The following POLR2B variants were observed in gnomAD, a reference collection of about 807,000 sequenced individuals.
POLR2B encodes RNA polymerase II subunit B, also known as DNA-directed RNA polymerase II subunit RPB2.
A neutral mutation model predicts 144.6 loss-of-function variants in POLR2B; 57 were observed. The observed-to-expected ratio is 0.39, with a 90% CI of 0.32 to 0.49. The LOEUF is 0.49. Ranked by LOEUF, POLR2B falls within the 20% of genes least tolerant of loss-of-function variation. The probability of loss-of-function intolerance (pLI) is 0.83; values close to 1 mark genes in which losing one functional copy is unlikely to be tolerated. For missense variants in POLR2B, 595 were observed against 1,467.4 expected (o/e 0.41, Z 9.71); for synonymous variants, 442 against 469.8 (o/e 0.94, Z 0.77).
Position 57,020,922 on chromosome 4 carries a change from G to T in POLR2B, c.2347G>T (p.Ala783Ser). Residue 783 changes from alanine to serine, a missense_variant, in exon 17 of 25, where the codon GCA (alanine) becomes TCA (serine). Coordinates refer to ENST00000314595, the MANE Select transcript of POLR2B (RefSeq NM_000938.3). The part of the protein sequence containing the change: ...PAGINSIVAI[A>S]SYTGYNQEDS... ...AGGCATCAACTCAATTGTGGCCATT[G>T]CATCATACACTGGATATAATCAGGA... 1 of 1,598,842 alleles carries T rather than the reference G, an allele frequency of 6.3e-7. No individual in the cohort carries two copies.
chr4:57,028,997 C>T (rs958611041), intron 23 of POLR2B, among the ~76,000 whole-genome samples: 1 of 152,110 alleles, frequency 6.6e-6, no homozygotes, highest in African/African-American at 2.4e-5. Context: ...GTTTGTTGAA[C>T]AACCTGGACT....
rs964364870 is a variant in POLR2B, at chr4:56,994,337, A to G, written c.244-67A>G. ...ACTTAAAATGTTAATGTCAATTAAA[A>G]TGGAATCACTAAAACTTTTATGGAA... On this transcript the variant is annotated intron_variant, in intron 3 of 24. Coordinates refer to ENST00000314595, the MANE Select transcript of POLR2B (RefSeq NM_000938.3). The G allele has an allele frequency of 2.0e-5, 16 of 792,416 alleles. No individual in the cohort carries two copies. In the African/African-American group the frequency reaches 2.4e-4, roughly 12 times the overall value. 49.1% of individuals were successfully genotyped at this position (792,416 alleles called of 1,614,324 possible).
At chr4:56,997,953 G>A (rs550367263) in intron 6 of POLR2B, among the ~76,000 whole-genome samples, 1 of 152,168 alleles carries the variant, frequency 6.6e-6, no homozygotes, top group South Asian at 2.1e-4. Context: ...GATGACAGAG[G>A]GCAAAGACAT....
chr4:57,006,309 A>T (rs973392667), intron 9 of POLR2B, among the ~76,000 whole-genome samples: 1 of 151,982 alleles, frequency 6.6e-6, no homozygotes, highest in African/African-American at 2.4e-5. Context: ...CTCTTTTAAC[A>T]TTTTTGTTTA....
At chr4:57,029,706 G>A (rs1723848443) in intron 23 of POLR2B, among the ~76,000 whole-genome samples, 1 of 152,072 alleles carries the variant, frequency 6.6e-6, no homozygotes, top group African/African-American at 2.4e-5. Context: ...TTGACAAGCT[G>A]CCTTATTTAG....
chr4:57,010,657 C>G (rs1027867704), intron 11 of POLR2B, 91 bp from the exon 12 acceptor site: 1 of 1,359,264 alleles, frequency 7.4e-7, no homozygotes. Flanking sequence ...AAGAATAAAT[C>G]TTGAAATCAC....
At chr4:57,006,100 T>C (rs1203905989) in intron 9 of POLR2B, among the ~76,000 whole-genome samples, 1 of 152,242 alleles carries the variant, frequency 6.6e-6, no homozygotes, top group African/African-American at 2.4e-5. Context: ...ATTGGTATTA[T>C]GTGCAGTTTT....
intron 1 of POLR2B, 150 bp downstream of exon 1, chr4:56,979,154 T>G (rs935379702): frequency 2.4e-6 from 2 of 829,052 alleles, no homozygotes; most frequent in Admixed American, 1.9e-5. Flanking sequence ...GGAACGAAAC[T>G]GGGGTAGGGA....
At position 56,999,632 on chromosome 4, in the gene POLR2B, G is replaced by A; in HGVS notation, c.751G>A (p.Ala251Thr). The change falls in exon 7 of 25, where the codon GCT becomes ACT. Residue 251 changes from alanine (A) to threonine (T), a missense_variant. Coordinates refer to ENST00000314595, the MANE Select transcript of POLR2B (RefSeq NM_000938.3). ...ATTTTTCTAGGGTGCCAAGAAGAGT[G>A]CTATTGGTCAGCGCATTGTGGCAAC... is the stretch of plus-strand genomic sequence containing the variant. ...ARGGQGAKKS[A>T]IGQRIVATLP... The A allele has an allele frequency of 6.2e-7, 1 of 1,608,884 alleles. No individual in the cohort carries two copies. The highest frequency in any genetic ancestry group is 1.1e-5 in the South Asian group (1 of 89,990).
chr4:57,024,725 A>G (rs1364041197), intron 21 of POLR2B, among the ~76,000 whole-genome samples, 161 bp from the exon 22 acceptor site: 1 of 152,214 alleles, frequency 6.6e-6, no homozygotes, highest in Non-Finnish European at 1.5e-5. Context: ...TTTCCATAAC[A>G]TAGATTTTGA....
intron 9 of POLR2B, 35 bp from the exon 10 acceptor site, chr4:57,006,780 TC>T: frequency 1.3e-6 from 2 of 1,514,780 alleles, no homozygotes; most frequent in Non-Finnish European, 1.8e-6. Flanking sequence ...GTTGTAGACC[TC>T]TACATGTTTA....
At chr4:56,982,756 G>A (rs946656394) in intron 1 of POLR2B, among the ~76,000 whole-genome samples, 25 of 152,120 alleles carry the variant, frequency 1.6e-4, no homozygotes, top group Middle Eastern at 6.8e-3. Flanking sequence ...TGTGCCTAGG[G>A]TATATAACAG....
intron 6 of POLR2B, among the ~76,000 whole-genome samples, chr4:56,999,112 A>G (rs1222888470): frequency 6.6e-6 from 1 of 152,158 alleles, no homozygotes; most frequent in Non-Finnish European, 1.5e-5. Flanking sequence ...TAGTTTTGAA[A>G]CACTGAGACA....
chr4:57,015,413 T>C, intron 13 of POLR2B, 89 bp from the exon 14 acceptor site: 1 of 648,762 alleles, frequency 1.5e-6, no homozygotes, highest in East Asian at 3.2e-5. Context: ...CTCCAGAAAT[T>C]TAGTAGGATT....
intron 9 of POLR2B, among the ~76,000 whole-genome samples, chr4:57,006,189 A>G (rs1298366085): frequency 6.6e-6 from 1 of 152,260 alleles, no homozygotes; most frequent in Non-Finnish European, 1.5e-5. Context: ...TGAAATATGT[A>G]GACAGTACAA....
At chr4:56,996,443 G>C (rs979425699) in intron 6 of POLR2B, among the ~76,000 whole-genome samples, 1 of 150,460 alleles carries the variant, frequency 6.6e-6, no homozygotes, top group East Asian at 2.0e-4. Flanking sequence ...ACCGCGCCCG[G>C]CTAATTTTTT....
intron 1 of POLR2B, among the ~76,000 whole-genome samples, chr4:56,984,183 A>T (rs1258780318): frequency 2.0e-5 from 3 of 152,110 alleles, no homozygotes; most frequent in African/African-American, 7.2e-5. Flanking sequence ...AATCTGATAA[A>T]TGGATGAGTA....
chr4:56,980,420 T>G (rs1722120491), intron 1 of POLR2B, among the ~76,000 whole-genome samples: 1 of 152,154 alleles, frequency 6.6e-6, no homozygotes, highest in South Asian at 2.1e-4. Context: ...GCCAGAAAAT[T>G]TAAAAATGTT....
intron 3 of POLR2B, among the ~76,000 whole-genome samples, chr4:56,993,886 C>A (rs1722598911): frequency 1.3e-5 from 2 of 152,172 alleles, no homozygotes; most frequent in South Asian, 4.1e-4. Context: ...GATTTGTTAT[C>A]TTTGTTCTCT....
Sources: gnomAD v4.1 joint callset for allele counts (sites outside exome capture counted in the v4.1 genomes callset) on GRCh38, gnomAD v4.1.1 for gene constraint, MANE v1.5 for transcripts, NCBI Gene and HGNC (gene_info 2026-07-23, HGNC 2026-07-21) for gene names.